The following AKR1A1 variants were observed in gnomAD, a reference collection of about 807,000 sequenced individuals.
AKR1A1 encodes HEL-S-165mP.
A neutral mutation model predicts 39.2 loss-of-function variants in AKR1A1; 26 were observed. That is an observed-to-expected ratio of 0.66 (90% CI 0.49 to 0.92). AKR1A1 has a LOEUF of 0.92. Among genes scored for constraint, AKR1A1 ranks in the 40% least tolerant of loss-of-function variants. AKR1A1 has a pLI of 0.00. For synonymous variants in AKR1A1, 141 were observed against 155.5 expected, an observed-to-expected ratio of 0.91 and a Z score of 0.69; for missense variants, 378 against 406.5, an observed-to-expected ratio of 0.93 and a Z score of 0.60.
At chr1:45,557,436 C>G (rs635446) in intron 1 of AKR1A1, among the ~76,000 whole-genome samples, 2,278 of 152,232 alleles carry the variant, frequency 0.015, 56 homozygotes, top group African/African-American at 0.049. Flanking sequence ...CAGATCTCCT[C>G]CATCTTTCAT....
chr1:45,569,875 C>T lies in AKR1A1; in HGVS notation c.913-16C>T. On this transcript the variant is annotated splice_polypyrimidine_tract_variant and intron_variant, in intron 8 of 8. Coordinates refer to ENST00000351829, the MANE Select transcript of AKR1A1 (RefSeq NM_153326.3). Reference sequence around the variant, plus strand: ...AACTCCTGCTGATGGAGTAATCTATCTGTCTCTCTTTCCAGGTGGATGGGA... The same window carrying T: ...AACTCCTGCTGATGGAGTAATCTATTTGTCTCTCTTTCCAGGTGGATGGGA... 2 of 1,612,340 alleles carry T rather than the reference C, an allele frequency of 1.2e-6. No individual in the cohort carries two copies. The highest frequency in any genetic ancestry group is 1.7e-6 in the Non-Finnish European group (2 of 1,178,442).
In AKR1A1 at chr1:45,567,012, T is replaced by A. The variant is rs1343702118; in HGVS notation, c.348T>A (p.Tyr116Ter). Residue 116 changes from tyrosine (Y) to a stop codon, truncating the protein, a stop_gained, in exon 4 of 9, where the codon TAT (tyrosine) becomes TAA (stop). Transcript: ENST00000351829. LOFTEE classifies it high-confidence loss of function. ...YLDLYLMHWPYAFERGDNPFP... is the reference protein window; with the variant it reads ...YLDLYLMHWP ...ACCTGTACCTGATGCACTGGCCTTA[T>A]GCCTTTGAGTGAGCCTTGCCAGAGC... 1 of 1,613,848 alleles carries A rather than the reference T, an allele frequency of 6.2e-7. No homozygotes were observed. Among genetic ancestry groups the A allele is most frequent in the East Asian group, 2.2e-5 (1 of 44,868 alleles).
rs374588568 is a variant in AKR1A1 at position 45,568,156 on chromosome 1, C to T, written c.531C>T (p.Ser177=). 13 of 1,613,290 alleles carry T rather than the reference C, an allele frequency of 8.1e-6. No homozygotes were observed. The highest frequency in any genetic ancestry group is 5.5e-5 in the South Asian group (5 of 90,932). The part of the protein sequence containing the change: ...RQIDDILSVA[S]VRPAVLQVEC... ...TTGATGACATACTCAGTGTGGCCTC[C>T]GTGCGTCCAGCTGTCTTGCAGGTAA... The change falls in exon 5 of 9, where the codon TCC becomes TCT. Residue 177 remains serine, a synonymous_variant. Coordinates refer to ENST00000351829, the MANE Select transcript of AKR1A1 (RefSeq NM_153326.3).
intron 1 of AKR1A1, among the ~76,000 whole-genome samples, chr1:45,559,274 A>C (rs1358237776): frequency 6.6e-6 from 1 of 152,218 alleles, no homozygotes; most frequent in Non-Finnish European, 1.5e-5. Context: ...CATTCAATTT[A>C]CTGACAAAAC....
chr1:45,569,339 G>T, intron 8 of AKR1A1, 110 bp downstream of exon 8: 1 of 885,984 alleles, frequency 1.1e-6, no homozygotes, highest in Non-Finnish European at 1.9e-6. Flanking sequence ...AATGTTGTGG[G>T]TGGGATTGCT....
intron 1 of AKR1A1, among the ~76,000 whole-genome samples, chr1:45,558,278 G>T (rs1333437930): frequency 1.3e-5 from 2 of 151,888 alleles, no homozygotes; most frequent in African/African-American, 4.8e-5. Flanking sequence ...ACCCAGACTG[G>T]AGTGCAGTGG....
intron 1 of AKR1A1, among the ~76,000 whole-genome samples, chr1:45,557,186 A>G (rs529278202): frequency 2.6e-5 from 4 of 152,188 alleles, no homozygotes; most frequent in East Asian, 3.9e-4. Flanking sequence ...ATGAAACTCT[A>G]TCTCAAAAAA....
At chr1:45,560,285 C>G (rs1644261023) in intron 1 of AKR1A1, among the ~76,000 whole-genome samples, 1 of 152,120 alleles carries the variant, frequency 6.6e-6, no homozygotes, top group Non-Finnish European at 1.5e-5. Context: ...AGCGCCCGGT[C>G]TAACTTCACT....
chr1:45,568,502 C>T lies in AKR1A1; in HGVS notation c.570C>T (p.Tyr190=), dbSNP rs762158145. 40 of 1,613,626 alleles carry T rather than the reference C, an allele frequency of 2.5e-5. No individual in the cohort carries two copies. The highest frequency in any genetic ancestry group is 6.7e-5 in the Admixed American group (4 of 60,010). The stretch of plus-strand genomic sequence containing the variant: ...TGGCTCAGGTGGAATGCCACCCATA[C>T]TTGGCTCAAAATGAGCTAATTGCCC... ...PAVLQVECHP[Y]LAQNELIAHC... The change falls in exon 6 of 9, where the codon TAC becomes TAT. Residue 190 remains tyrosine, a synonymous_variant. Transcript: ENST00000351829.
At chr1:45,567,177 C>A in intron 4 of AKR1A1, 157 bp downstream of exon 4, 2 of 1,015,340 alleles carry the variant, frequency 2.0e-6, no homozygotes, top group Non-Finnish European at 1.4e-6. Flanking sequence ...TCTGCTACAG[C>A]AGCTTAGCTG....
rs569090704 is a variant in AKR1A1 at position 45,556,706 on chromosome 1, G to A, written c.-6-5083G>A. Among the ~76,000 whole-genome samples, 11 of 151,580 alleles carry A rather than the reference G, an allele frequency of 7.3e-5. No homozygotes were observed. In the East Asian group the frequency reaches 1.4e-3, roughly 19 times the overall value. On this transcript the variant is annotated intron_variant, in intron 1 of 8. Coordinates refer to ENST00000351829, the MANE Select transcript of AKR1A1 (RefSeq NM_153326.3). Reference sequence around the variant, plus strand: ...AGCCTGGCCAATACAGTGAAACCCCGTCTGTACTAAAAATACAAAAATTAG... The same window carrying A: ...AGCCTGGCCAATACAGTGAAACCCCATCTGTACTAAAAATACAAAAATTAG...
intron 1 of AKR1A1, among the ~76,000 whole-genome samples, chr1:45,555,871 G>A (rs1370468710): frequency 2.6e-5 from 4 of 152,276 alleles, no homozygotes; most frequent in Admixed American, 2.0e-4. Context: ...TGGACATGGC[G>A]AATCTCAGAT....
At chr1:45,555,280 G>A (rs1644186787) in intron 1 of AKR1A1, among the ~76,000 whole-genome samples, 1 of 152,198 alleles carries the variant, frequency 6.6e-6, no homozygotes. Context: ...CTGAGGTCGG[G>A]AGTTCGAGAC....
At chr1:45,567,392 A>T (rs1049143763) in intron 4 of AKR1A1, 2 of 191,998 alleles carry the variant, frequency 1.0e-5, no homozygotes, top group Non-Finnish European at 2.1e-5. Context: ...CCTGTGCTGG[A>T]AGAAGGGTGG....
intron 3 of AKR1A1, 64 bp from the exon 4 acceptor site, chr1:45,566,805 T>C: frequency 1.3e-6 from 2 of 1,597,616 alleles, no homozygotes; most frequent in South Asian, 2.2e-5. Context: ...TCTCCCAGAG[T>C]TGAGGGTGGG....
chr1:45,569,667 C>G (rs933184036), intron 8 of AKR1A1, among the ~76,000 whole-genome samples: 2 of 152,154 alleles, frequency 1.3e-5, no homozygotes, highest in African/African-American at 2.4e-5. Flanking sequence ...TCAGTTCAGA[C>G]TGCAAACTCT....
chr1:45,565,283 A>G (rs1644326713), intron 2 of AKR1A1, among the ~76,000 whole-genome samples: 1 of 150,600 alleles, frequency 6.6e-6, no homozygotes, highest in Non-Finnish European at 1.5e-5. Context: ...GGCATGCACC[A>G]CCACGCCCAG....
intron 1 of AKR1A1, among the ~76,000 whole-genome samples, chr1:45,554,041 C>A (rs1268967567): frequency 6.6e-6 from 1 of 151,544 alleles, no homozygotes; most frequent in Non-Finnish European, 1.5e-5. Flanking sequence ...GTGGCTCACA[C>A]CTGTAATCCC....
intron 2 of AKR1A1, among the ~76,000 whole-genome samples, chr1:45,562,594 C>G (rs1347705122): frequency 6.6e-6 from 1 of 151,750 alleles, no homozygotes; most frequent in African/African-American, 2.4e-5. Flanking sequence ...ACTGCAACCT[C>G]TGCCTCATGG....
Sources: allele counts gnomAD v4.1 joint callset (sites outside exome capture counted in the v4.1 genomes callset), GRCh38; gene constraint gnomAD v4.1.1; transcripts MANE v1.5; gene names NCBI Gene and HGNC (gene_info 2026-07-23, HGNC 2026-07-21).